TRPM3: variants seen among roughly 807,000 people sequenced by gnomAD.
TRPM3 encodes transient receptor potential cation channel subfamily M member 3.
TRPM3 carries 77 observed loss-of-function variants against 181.2 expected under a neutral mutation model. The observed-to-expected ratio is 0.42, with a 90% CI of 0.35 to 0.51. TRPM3 has a LOEUF of 0.51. Ranked by LOEUF, TRPM3 falls within the 20% of genes least tolerant of loss-of-function variation. The probability of loss-of-function intolerance (pLI) is 0.01; values close to 1 mark genes in which losing one functional copy is unlikely to be tolerated. For missense variants in TRPM3, 1,759 were observed against 2,196.7 expected (o/e 0.80, Z 3.98); for synonymous variants, 745 against 796.4 (o/e 0.94, Z 1.09).
chr9:70,925,990 G>A (rs2096717367), intron 1 of TRPM3, among the ~76,000 whole-genome samples: 2 of 34,964 alleles, frequency 5.7e-5, no homozygotes, highest in Non-Finnish European at 1.1e-4. Flanking sequence ...AGGTTGGCTT[G>A]GGAAAACAAA....
At chr9:71,361,229 C>T (rs541965102) in intron 1 of TRPM3, among the ~76,000 whole-genome samples, 8 of 152,244 alleles carry the variant, frequency 5.3e-5, no homozygotes, top group South Asian at 2.1e-4. Context: ...TCAGGTGATC[C>T]GCCCACCTCA....
intron 3 of TRPM3, among the ~76,000 whole-genome samples, chr9:70,858,127 C>T (rs1564610494): frequency 6.6e-6 from 1 of 152,200 alleles, no homozygotes; most frequent in Non-Finnish European, 1.5e-5. Context: ...ACTGGCAACA[C>T]AAGGGCTTCA....
At chr9:70,582,875 T>G (rs1178087262) in intron 22 of TRPM3, among the ~76,000 whole-genome samples, 1 of 152,202 alleles carries the variant, frequency 6.6e-6, no homozygotes, top group Non-Finnish European at 1.5e-5. Context: ...CAGGTTACAA[T>G]TACTTCATAT....
chr9:70,938,359 G>A (rs2096849974), intron 1 of TRPM3, among the ~76,000 whole-genome samples: 1 of 152,118 alleles, frequency 6.6e-6, no homozygotes, highest in South Asian at 2.1e-4. Context: ...CAACGCCACT[G>A]GATAACTTGT....
chr9:71,113,337 CA>C (rs1232879509), intron 1 of TRPM3, among the ~76,000 whole-genome samples: 2 of 152,066 alleles, frequency 1.3e-5, no homozygotes, highest in Non-Finnish European at 2.9e-5. Flanking sequence ...GAAAACAAGG[CA>C]AAAGGCACAA....
At chr9:71,220,647 A>G (rs2080183518) in intron 1 of TRPM3, among the ~76,000 whole-genome samples, 1 of 152,138 alleles carries the variant, frequency 6.6e-6, no homozygotes, top group Non-Finnish European at 1.5e-5. Context: ...TCCACTCCTT[A>G]CAAGCTATGT....
At chr9:71,066,550 T>C (rs963092325) in intron 1 of TRPM3, among the ~76,000 whole-genome samples, 1 of 152,314 alleles carries the variant, frequency 6.6e-6, no homozygotes, top group Non-Finnish European at 1.5e-5. Context: ...GTTGTTTTAA[T>C]ACTGTTTTGC....
chr9:71,214,237 A>T (rs932719987), intron 1 of TRPM3, among the ~76,000 whole-genome samples: 1 of 152,222 alleles, frequency 6.6e-6, no homozygotes, highest in East Asian at 1.9e-4. Flanking sequence ...GATTTGTTGG[A>T]AAAGGAGCAA....
At chr9:70,919,276 A>G (rs2096631407) in intron 1 of TRPM3, among the ~76,000 whole-genome samples, 1 of 152,066 alleles carries the variant, frequency 6.6e-6, no homozygotes, top group South Asian at 2.1e-4. Flanking sequence ...TGAACTTTTC[A>G]TTTCTCTTCT....
chr9:70,754,978 T>C (rs1326716137), intron 8 of TRPM3, among the ~76,000 whole-genome samples: 7 of 152,166 alleles, frequency 4.6e-5, no homozygotes, highest in Non-Finnish European at 1.0e-4. Context: ...CAATGCCTAC[T>C]TTGTGTCTAC....
chr9:70,990,113 T>C (rs559706784), intron 1 of TRPM3, among the ~76,000 whole-genome samples: 64 of 152,310 alleles, frequency 4.2e-4, no homozygotes, highest in African/African-American at 1.5e-3. Flanking sequence ...GTTCAGAACC[T>C]AGAAATTCCG....
chr9:70,579,801 T>C (rs2055143365), intron 22 of TRPM3, among the ~76,000 whole-genome samples: 1 of 152,224 alleles, frequency 6.6e-6, no homozygotes. Context: ...TTGACAAAAC[T>C]GCCATGTAGG....
At chr9:70,566,277 C>A (rs536469691) in intron 22 of TRPM3, among the ~76,000 whole-genome samples, 40 of 152,200 alleles carry the variant, frequency 2.6e-4, no homozygotes, top group Middle Eastern at 6.8e-3. Flanking sequence ...TGAACAAAGA[C>A]TCCAACCTCA....
intron 19 of TRPM3, among the ~76,000 whole-genome samples, chr9:70,609,708 C>T (rs2061728937): frequency 6.6e-6 from 1 of 152,222 alleles, no homozygotes. Flanking sequence ...TGTTAGCACA[C>T]AGGACCACGT....
At chr9:70,899,457 C>T (rs978050479) in intron 1 of TRPM3, among the ~76,000 whole-genome samples, 19 of 152,164 alleles carry the variant, frequency 1.2e-4, no homozygotes, top group Non-Finnish European at 2.9e-5. Flanking sequence ...CCTTCCTTCA[C>T]ATCTTACACT....
intron 1 of TRPM3, among the ~76,000 whole-genome samples, chr9:71,246,023 G>T (rs995327845): frequency 6.6e-6 from 1 of 152,182 alleles, no homozygotes; most frequent in Non-Finnish European, 1.5e-5. Flanking sequence ...AGGGATTGGA[G>T]TATGATTGGA....
chr9:71,329,989 A>C (rs1047056375), intron 1 of TRPM3, among the ~76,000 whole-genome samples: 1 of 151,996 alleles, frequency 6.6e-6, no homozygotes, highest in African/African-American at 2.4e-5. Flanking sequence ...CAGACCAGAA[A>C]AGATGAGTGA....
At chr9:71,081,982 C>T (rs765355765) in intron 1 of TRPM3, among the ~76,000 whole-genome samples, 1 of 152,126 alleles carries the variant, frequency 6.6e-6, no homozygotes, top group Non-Finnish European at 1.5e-5. Flanking sequence ...ACTAGCAGAA[C>T]TGTATGTCCT....
At chr9:70,590,002 A>G (rs1343916011) in intron 22 of TRPM3, among the ~76,000 whole-genome samples, 2 of 152,170 alleles carry the variant, frequency 1.3e-5, no homozygotes, top group Non-Finnish European at 2.9e-5. Context: ...CTACCTGGTT[A>G]TGCAACCCTA....
Sources: allele counts gnomAD v4.1 joint callset (sites outside exome capture counted in the v4.1 genomes callset), GRCh38; gene constraint gnomAD v4.1.1; transcripts MANE v1.5; gene names NCBI Gene and HGNC (gene_info 2026-07-23, HGNC 2026-07-21).